Variants in C2CD2 observed in about 807,000 individuals in gnomAD.
C2CD2 encodes the protein C2 domain-containing protein 2.
A neutral mutation model predicts 74.3 loss-of-function variants in C2CD2; 43 were observed. That is an observed-to-expected ratio of 0.58 (90% CI 0.45 to 0.75). The LOEUF (loss-of-function observed/expected upper bound fraction) is 0.75, where lower values mean the gene tolerates loss of function less well. Ranked by LOEUF, C2CD2 falls within the 30% of genes least tolerant of loss-of-function variation. C2CD2 has a pLI of 0.00. For missense variants in C2CD2, 801 were observed against 916.3 expected (o/e 0.87, Z 1.63); for synonymous variants, 422 against 390.7 (o/e 1.08, Z -0.94).
chr21:41,941,818 G>A (rs144327720), intron 2 of C2CD2, among the ~76,000 whole-genome samples: 316 of 152,200 alleles, frequency 2.1e-3, no homozygotes, highest in African/African-American at 7.3e-3. Flanking sequence ...GTCTCTGCAG[G>A]TTTATCTATT....
At chr21:41,916,672 C>T (rs2065095346) in intron 5 of C2CD2, among the ~76,000 whole-genome samples, 1 of 95,012 alleles carries the variant, frequency 1.1e-5, no homozygotes, top group African/African-American at 4.0e-5. Context: ...ATTACACACA[C>T]ACACACACAC....
Position 41,912,321 on chromosome 21 carries a change from G to A in C2CD2, c.953+11C>T. On this transcript the variant is annotated intron_variant, in intron 7 of 13. Coordinates refer to ENST00000380486, the MANE Select transcript of C2CD2 (RefSeq NM_015500.2). ...CGTGGACACACAGGCCCATAACCCGGCCAGACTCACAAGGTGAATTCCTCT... is the reference window on the plus strand; with the variant it reads ...CGTGGACACACAGGCCCATAACCCGACCAGACTCACAAGGTGAATTCCTCT... 3 of 1,575,886 alleles carry A rather than the reference G, an allele frequency of 1.9e-6. No homozygotes were observed. Among genetic ancestry groups the A allele is most frequent in the Non-Finnish European group, 2.6e-6 (3 of 1,148,542 alleles).
rs1369053044 is a variant in C2CD2, at chr21:41,888,998, T to C, written c.*126A>G. On this transcript the variant is annotated 3_prime_UTR_variant, in exon 14 of 14. Coordinates refer to ENST00000380486, the MANE Select transcript of C2CD2 (RefSeq NM_015500.2). ...TTTGTTTTCCCTTTAAATGACGAGA[T>C]GGTTGGAAGAAACCCAGCAAGACAA... The C allele has an allele frequency of 5.5e-6, 4 of 723,458 alleles. No individual in the cohort carries two copies. The highest frequency in any genetic ancestry group is 4.7e-5 in the Admixed American group (2 of 42,130). 44.8% of individuals were successfully genotyped at this position (723,458 alleles called of 1,614,324 possible). A position where few individuals can be genotyped will look rare whatever the true frequency, so the allele number is the denominator to read the frequency against.
At position 41,887,250 on chromosome 21, in the gene C2CD2, T is replaced by G. The variant is rs1031688046; in HGVS notation, c.*1874A>C. 6.6e-6 allele frequency: 1 copy of G among 152,220 alleles called. No individual in the cohort carries two copies. Among genetic ancestry groups the G allele is most frequent in the African/African-American group, 2.4e-5 (1 of 41,456 alleles). 9.4% of individuals were successfully genotyped at this position (152,220 alleles called of 1,614,324 possible). ...GATGCCTGACTTTGGGGACAGAAAC[T>G]TGGTAGTATTCACATGTTTTGAAAC... On this transcript the variant is annotated 3_prime_UTR_variant, in exon 14 of 14. Coordinates refer to ENST00000380486, the MANE Select transcript of C2CD2 (RefSeq NM_015500.2).
At position 41,914,629 on chromosome 21, in the gene C2CD2, G is replaced by A. The variant is rs144368000; in HGVS notation, c.813C>T (p.His271=). Residue 271 remains histidine, a synonymous_variant, in exon 6 of 14, where the codon CAC becomes CAT. Transcript: ENST00000380486. ...HELKLLVRNI[H]VLLLSEPGAS... ...CACCGGGCTCGCTGAGCAGCAAGAC[G>A]TGGATGTTCCTCACCAGTAGCTTCA... The A allele has an allele frequency of 4.3e-5, 69 of 1,613,910 alleles. No homozygotes were observed. Among genetic ancestry groups the A allele is most frequent in the African/African-American group, 1.9e-4 (14 of 75,052 alleles).
intron 2 of C2CD2, among the ~76,000 whole-genome samples, chr21:41,935,839 G>C (rs2146218547): frequency 6.6e-6 from 1 of 151,906 alleles, no homozygotes; most frequent in East Asian, 1.9e-4. Context: ...GCAAGACTCT[G>C]TCTCAAAAAA....
In C2CD2 at chr21:41,905,831, G is replaced by C; in HGVS notation, c.1325C>G (p.Pro442Arg). 2 of 1,564,500 alleles carry C rather than the reference G, an allele frequency of 1.3e-6. No homozygotes were observed. Among genetic ancestry groups the C allele is most frequent in the Non-Finnish European group, 1.8e-6 (2 of 1,134,796 alleles). The change falls in exon 11 of 14, where the codon CCG becomes CGG. Residue 442 changes from proline (P) to arginine (R), a missense_variant. Coordinates refer to ENST00000380486, the MANE Select transcript of C2CD2 (RefSeq NM_015500.2). ...CTTCACCTTGATGGGAGTCTTCACC[G>C]GAGAATCTGCCAGAGGAAGATCCTG... is the stretch of plus-strand genomic sequence containing the variant. ...GRASPLSSDS[P>R]VKTPIKVKVI...
intron 3 of C2CD2, among the ~76,000 whole-genome samples, chr21:41,920,056 G>A (rs1363372196): frequency 6.6e-6 from 1 of 152,192 alleles, no homozygotes. Context: ...GCCTCAAGGA[G>A]CCGGAAATGG....
At chr21:41,938,921 T>G (rs1291357239) in intron 2 of C2CD2, among the ~76,000 whole-genome samples, 3 of 152,166 alleles carry the variant, frequency 2.0e-5, no homozygotes, top group African/African-American at 7.2e-5. Flanking sequence ...TTTTTGTATA[T>G]TTAGTAGAGA....
chr21:41,900,493 G>A (rs2064881740), intron 12 of C2CD2, among the ~76,000 whole-genome samples: 1 of 152,142 alleles, frequency 6.6e-6, no homozygotes, highest in Non-Finnish European at 1.5e-5. Flanking sequence ...CTGGGCCCCG[G>A]ACTTCCAGAG....
chr21:41,942,634 C>T (rs537729180), intron 1 of C2CD2, among the ~76,000 whole-genome samples: 21 of 152,326 alleles, frequency 1.4e-4, no homozygotes, highest in African/African-American at 4.1e-4. Context: ...CGGCGCACCT[C>T]GCCCAGCACA....
rs61735800 is a variant in C2CD2, at chr21:41,909,463, T to C, written c.1014A>G (p.Ser338=). The part of the protein sequence containing the change: ...HLQISEAGRS[S]EGLLATATVP... ...CTGTCCTCCTGCTCAACCCACCTTC[T>C]GAGGATCGCCCAGCCTCTGAAATCT... The change falls in exon 8 of 14, where the codon TCA becomes TCG. Residue 338 remains serine, a synonymous_variant. Coordinates refer to ENST00000380486, the MANE Select transcript of C2CD2 (RefSeq NM_015500.2). 68,831 of 1,611,542 alleles carry C rather than the reference T, an allele frequency of 0.043. 2,174 individuals are homozygous for C. The highest frequency in any genetic ancestry group is 0.13 in the South Asian group (11,586 of 91,004).
intron 8 of C2CD2, chr21:41,908,614 C>T (rs1220646708): frequency 6.6e-6 from 1 of 152,108 alleles, no homozygotes; most frequent in African/African-American, 2.4e-5. Flanking sequence ...AAGGAAGTCG[C>T]CTCAGGATTC....
At position 41,926,468 on chromosome 21, in the gene C2CD2, A is replaced by T; in HGVS notation, c.379-4383T>A. The T allele has an allele frequency of 1.1e-6, 1 of 902,430 alleles. No homozygotes were observed. The highest frequency in any genetic ancestry group is 5.1e-5 in the South Asian group (1 of 19,648). The allele number at this position is 902,430 out of a possible 1,614,324, so 55.9% of individuals were successfully genotyped here. A position where few individuals can be genotyped will look rare whatever the true frequency, so the allele number is the denominator to read the frequency against. ...CAGATGGAAGCACCACGGGGAGGGG[A>T]AAACAAGACTGAAGGCTGAAGAGCA... On this transcript the variant is annotated intron_variant, in intron 2 of 13. Coordinates refer to ENST00000380486, the MANE Select transcript of C2CD2 (RefSeq NM_015500.2). This position sits in a 1 kb window ranked among gnomAD's most constrained non-coding sequence, Gnocchi z 8.0.
rs1434512708 is a variant in C2CD2 at position 41,929,747 on chromosome 21, C to A, written c.379-7662G>T. Among the ~76,000 whole-genome samples the A allele has an allele frequency of 6.6e-6, 1 of 152,226 alleles. No individual in the cohort carries two copies. Among genetic ancestry groups the A allele is most frequent in the African/African-American group, 2.4e-5 (1 of 41,458 alleles). On this transcript the variant is annotated intron_variant, in intron 2 of 13. Transcript: ENST00000380486. This position sits in a 1 kb window ranked among gnomAD's most constrained non-coding sequence, Gnocchi z 4.6. ...TCTCCAAAGATCACCAAGTGTCCAG[C>A]TCAGCTCCTGCCCTCATCAGCAAGT...
chr21:41,947,666 C>A (rs928146810), intron 1 of C2CD2, among the ~76,000 whole-genome samples: 6 of 152,178 alleles, frequency 3.9e-5, no homozygotes, highest in African/African-American at 1.4e-4. Flanking sequence ...AAGAGAGCAG[C>A]CCACCTTTAT....
chr21:41,907,690 G>A lies in C2CD2; in HGVS notation c.1113C>T (p.Gly371=). 1.9e-6 allele frequency: 3 copies of A among 1,612,388 alleles called. No individual in the cohort carries two copies. The highest frequency in any genetic ancestry group is 1.7e-5 in the Admixed American group (1 of 60,012). ...SFTLTSGSAC[G]SSVLGSVTAE... ...CCGTGACCGAGCCCAGCACCGAGCT[G>A]CCGCAGGCAGACCCGCTGGTCAGCG... Residue 371 remains glycine, a synonymous_variant, in exon 9 of 14, where the codon GGC becomes GGT. Transcript: ENST00000380486.
At chr21:41,920,696 C>T (rs947225644) in intron 3 of C2CD2, among the ~76,000 whole-genome samples, 6 of 152,196 alleles carry the variant, frequency 3.9e-5, no homozygotes, top group Admixed American at 6.5e-5. Context: ...GCTGCCTCTG[C>T]GCTGAGAGGT....
chr21:41,925,748 TC>T (rs1187533991), intron 2 of C2CD2, among the ~76,000 whole-genome samples: 1 of 152,212 alleles, frequency 6.6e-6, no homozygotes, highest in East Asian at 1.9e-4. Context: ...TGAAAGGGGT[TC>T]CTCGCATCAC....
Sources: gnomAD v4.1 joint callset for allele counts (sites outside exome capture counted in the v4.1 genomes callset) on GRCh38, gnomAD v4.1.1 for gene constraint, Gnocchi (gnomAD v3.1) non-coding constraint, MANE v1.5 for transcripts, NCBI Gene and HGNC (gene_info 2026-07-23, HGNC 2026-07-21) for gene names.